NRG3: variants seen among roughly 807,000 people sequenced by gnomAD.
NRG3 encodes the protein neuregulin 3.
In NRG3, 31 loss-of-function variants were observed where a neutral mutation model predicts 66.9. That is an observed-to-expected ratio of 0.46 (90% CI 0.35 to 0.63). NRG3 has a LOEUF of 0.63. NRG3 is among the 20% of genes least tolerant of loss of function. NRG3 has a pLI of 0.00. For missense variants in NRG3, 910 were observed against 878.9 expected (o/e 1.04, Z -0.45); for synonymous variants, 393 against 359.4 (o/e 1.09, Z -1.06).
intron 2 of NRG3, among the ~76,000 whole-genome samples, chr10:82,372,969 A>C (rs1314634225): frequency 6.6e-6 from 1 of 152,240 alleles, no homozygotes; most frequent in African/African-American, 2.4e-5. Context: ...TATCCACTTA[A>C]GGATGCGTTG....
At chr10:81,984,776 A>G (rs1258778671) in intron 1 of NRG3, among the ~76,000 whole-genome samples, 1 of 152,196 alleles carries the variant, frequency 6.6e-6, no homozygotes, top group African/African-American at 2.4e-5. Flanking sequence ...GATGCATTCC[A>G]GGGCAGCCTG....
rs1202424979 is a variant in NRG3, at chr10:82,142,879, C to G, written c.824-215860C>G. On this transcript the variant is annotated intron_variant, in intron 1 of 8. Coordinates refer to ENST00000372141, the MANE Select transcript of NRG3 (RefSeq NM_001010848.4). ...TCAACCTTCTCCCACCTCAGCCTCC[C>G]AAGTAGCTGAGACTATGGGTGTGTG... Among the ~76,000 whole-genome samples, 3 of 150,090 alleles carry G rather than the reference C, an allele frequency of 2.0e-5. 1 individual carries two copies. The highest frequency in any genetic ancestry group is 6.7e-5 in the Admixed American group (1 of 15,036).
At chr10:81,952,431 C>T (rs564500722) in intron 1 of NRG3, among the ~76,000 whole-genome samples, 20 of 151,566 alleles carry the variant, frequency 1.3e-4, no homozygotes, top group Admixed American at 4.6e-4. Flanking sequence ...AGAAAGAAGG[C>T]GGCAGGGGGG....
chr10:82,729,521 G>A (rs2057784296), intron 2 of NRG3, among the ~76,000 whole-genome samples: 1 of 152,112 alleles, frequency 6.6e-6, no homozygotes, highest in Non-Finnish European at 1.5e-5. Context: ...AGCTGCTCTG[G>A]AGAACATCGC....
At chr10:81,981,985 G>A (rs2060348346) in intron 1 of NRG3, among the ~76,000 whole-genome samples, 1 of 151,888 alleles carries the variant, frequency 6.6e-6, no homozygotes, top group Non-Finnish European at 1.5e-5. Flanking sequence ...TACATTCTTG[G>A]TTTTCTTTCC....
In NRG3 at chr10:82,390,525, C is replaced by G. The variant is rs1267621271; in HGVS notation, c.953+31657C>G. Reference sequence around the variant, plus strand: ...GGGACCTACTTATGCATCTGATTTGCCCGTGACACTCATTGTTTACACTTT... The same window carrying G: ...GGGACCTACTTATGCATCTGATTTGGCCGTGACACTCATTGTTTACACTTT... On this transcript the variant is annotated intron_variant, in intron 2 of 8. Transcript: ENST00000372141. 2.0e-5 allele frequency among the ~76,000 whole-genome samples: 3 copies of G among 152,026 alleles called. No individual in the cohort carries two copies. The East Asian group carries it at 5.8e-4, about 29-fold the overall frequency.
At chr10:81,991,306 A>G (rs1424613078) in intron 1 of NRG3, among the ~76,000 whole-genome samples, 4 of 152,186 alleles carry the variant, frequency 2.6e-5, no homozygotes, top group African/African-American at 9.6e-5. Context: ...CTCAAAAATC[A>G]TAGGATTTGA....
At chr10:82,830,270 T>G (rs1304406793) in intron 3 of NRG3, among the ~76,000 whole-genome samples, 4 of 152,342 alleles carry the variant, frequency 2.6e-5, no homozygotes, top group African/African-American at 9.6e-5. Flanking sequence ...CTCTTGTAAT[T>G]TCCCTGAATA....
chr10:82,601,456 T>G (rs1411797267), intron 2 of NRG3, among the ~76,000 whole-genome samples: 1 of 152,224 alleles, frequency 6.6e-6, no homozygotes, highest in African/African-American at 2.4e-5. Context: ...TTTGGTTAGA[T>G]TTTTCTTTTC....
At chr10:82,275,662 A>G (rs1051939198) in intron 1 of NRG3, among the ~76,000 whole-genome samples, 5 of 151,992 alleles carry the variant, frequency 3.3e-5, no homozygotes, top group African/African-American at 1.2e-4. Flanking sequence ...GTTTGGAGCC[A>G]GTAGAAATAC....
At chr10:81,983,647 G>A (rs540057727) in intron 1 of NRG3, among the ~76,000 whole-genome samples, 4 of 152,210 alleles carry the variant, frequency 2.6e-5, no homozygotes, top group African/African-American at 9.6e-5. Flanking sequence ...GTGAATTTAC[G>A]TTGTCTTCAC....
At chr10:81,934,703 T>A (rs1230546252) in intron 1 of NRG3, among the ~76,000 whole-genome samples, 7 of 152,178 alleles carry the variant, frequency 4.6e-5, no homozygotes, top group Non-Finnish European at 1.0e-4. Flanking sequence ...GGATTTGCAA[T>A]TTTTTGCTAT....
At chr10:81,876,917 T>C (rs1420139825) in intron 1 of NRG3, among the ~76,000 whole-genome samples, 1 of 152,114 alleles carries the variant, frequency 6.6e-6, no homozygotes, top group Non-Finnish European at 1.5e-5. Flanking sequence ...TCTAGGGTCC[T>C]GACGAAGGAG....
chr10:82,596,957 T>C (rs933546926), intron 2 of NRG3, among the ~76,000 whole-genome samples: 7 of 152,210 alleles, frequency 4.6e-5, no homozygotes, highest in Non-Finnish European at 1.0e-4. Flanking sequence ...ATTGTCATTC[T>C]TCCCCCCACC....
chr10:82,876,185 A>G (rs1841804034), intron 4 of NRG3, among the ~76,000 whole-genome samples: 1 of 152,246 alleles, frequency 6.6e-6, no homozygotes, highest in African/African-American at 2.4e-5. Context: ...AGACCAATAC[A>G]TCTTTGCTAG....
chr10:82,734,420 C>G (rs2783414), intron 2 of NRG3, among the ~76,000 whole-genome samples: 130,436 of 152,156 alleles, frequency 0.86, 56,012 homozygotes, highest in Admixed American at 0.88. Flanking sequence ...GAGTAGAAAA[C>G]TAATAGAATA....
intron 1 of NRG3, among the ~76,000 whole-genome samples, chr10:82,104,278 A>G (rs896803730): frequency 1.3e-5 from 2 of 152,176 alleles, no homozygotes; most frequent in Admixed American, 1.3e-4. Context: ...AAATTAAAGA[A>G]TGTGTTAGCT....
intron 2 of NRG3, among the ~76,000 whole-genome samples, chr10:82,700,205 C>T (rs1467420393): frequency 6.6e-6 from 1 of 152,116 alleles, no homozygotes; most frequent in Non-Finnish European, 1.5e-5. Flanking sequence ...ATCTAGGTTA[C>T]ATGGTAGACT....
rs574997675 is a variant in NRG3, at chr10:82,253,903, G to A, written c.824-104836G>A. 3.3e-5 allele frequency among the ~76,000 whole-genome samples: 5 copies of A among 152,222 alleles called. No homozygotes were observed. In the South Asian group the frequency reaches 8.3e-4, roughly 25 times the overall value. ...TATTTTAGTTTCTTGAACATGCCAA[G>A]CTTCTTTCCAATTCAATGTATTTTG... On this transcript the variant is annotated intron_variant, in intron 1 of 8. Transcript: ENST00000372141.
Sources: gnomAD v4.1 joint callset for allele counts (sites outside exome capture counted in the v4.1 genomes callset) on GRCh38, gnomAD v4.1.1 for gene constraint, MANE v1.5 for transcripts, NCBI Gene and HGNC (gene_info 2026-07-23, HGNC 2026-07-21) for gene names.